The following NEK11 variants were observed in gnomAD, a reference collection of about 807,000 sequenced individuals.
The protein encoded by NEK11 is NIMA related kinase 11, also known as serine/threonine-protein kinase Nek11.
Under a neutral mutation model 80.7 loss-of-function variants are expected in NEK11, and 72 were observed. The ratio of observed to expected loss-of-function variants is 0.89; its 90% confidence interval spans 0.74 to 1.08. NEK11 has a LOEUF of 1.08. Ranked by LOEUF, NEK11 falls within the 50% of genes least tolerant of loss-of-function variation. The probability of loss-of-function intolerance (pLI) is 0.00; values close to 1 mark genes in which losing one functional copy is unlikely to be tolerated. For synonymous variants in NEK11, 251 were observed against 260.7 expected, an observed-to-expected ratio of 0.96 and a Z score of 0.36; for missense variants, 764 against 763.6, an observed-to-expected ratio of 1.00 and a Z score of -0.01.
At chr3:131,294,172 T>C (rs2096570941) in intron 17 of NEK11, among the ~76,000 whole-genome samples, 1 of 152,098 alleles carries the variant, frequency 6.6e-6, no homozygotes, top group Non-Finnish European at 1.5e-5. Context: ...GGATTTTATA[T>C]CTTTCTTCCT....
At chr3:131,170,563 G>T (rs898424729) in intron 13 of NEK11, among the ~76,000 whole-genome samples, 1 of 152,150 alleles carries the variant, frequency 6.6e-6, no homozygotes, top group Admixed American at 6.5e-5. Flanking sequence ...GCCCATGAAG[G>T]TTAAATGCTT....
chr3:131,033,583 A>G (rs1203091037), intron 3 of NEK11, among the ~76,000 whole-genome samples: 1 of 152,214 alleles, frequency 6.6e-6, no homozygotes, highest in African/African-American at 2.4e-5. Context: ...ATTTAATCAA[A>G]GAACTTGACA....
intron 17 of NEK11, among the ~76,000 whole-genome samples, chr3:131,296,730 G>A (rs1016850228): frequency 5.3e-5 from 8 of 151,654 alleles, no homozygotes; most frequent in African/African-American, 1.5e-4. Context: ...TTACATATGT[G>A]TACATGTGCC....
chr3:131,290,903 G>A (rs1289405175), intron 17 of NEK11, among the ~76,000 whole-genome samples: 1 of 152,098 alleles, frequency 6.6e-6, no homozygotes, highest in Non-Finnish European at 1.5e-5. Flanking sequence ...GCACCAAGAT[G>A]GTACATTTGT....
chr3:131,296,149 C>T (rs1408805684), intron 17 of NEK11, among the ~76,000 whole-genome samples: 1 of 152,096 alleles, frequency 6.6e-6, no homozygotes, highest in Non-Finnish European at 1.5e-5. Flanking sequence ...CCCAAGTCTG[C>T]TTTCAAACAA....
chr3:131,042,938 C>A (rs918719771), intron 3 of NEK11, among the ~76,000 whole-genome samples: 1 of 152,178 alleles, frequency 6.6e-6, no homozygotes, highest in Non-Finnish European at 1.5e-5. Flanking sequence ...CTTTGCTGTT[C>A]TGCAGCCTCT....
intron 17 of NEK11, among the ~76,000 whole-genome samples, chr3:131,274,293 AT>A (rs201937927): frequency 6.9e-6 from 1 of 145,394 alleles, no homozygotes; most frequent in Non-Finnish European, 1.5e-5. Context: ...TGAACTCATC[AT>A]TTTTTATGGC....
intron 3 of NEK11, among the ~76,000 whole-genome samples, chr3:131,059,844 G>C (rs572720727): frequency 4.7e-4 from 71 of 152,334 alleles, no homozygotes; most frequent in African/African-American, 1.6e-3. Flanking sequence ...TAAAAGCAAA[G>C]TTGATCCAGT....
chr3:131,338,978 T>G (rs1561625978), intron 17 of NEK11, among the ~76,000 whole-genome samples: 2 of 151,998 alleles, frequency 1.3e-5, no homozygotes, highest in Non-Finnish European at 2.9e-5. Context: ...AGAAATTTTG[T>G]TATATATATT....
intron 17 of NEK11, among the ~76,000 whole-genome samples, chr3:131,275,850 T>C (rs1394551518): frequency 1.3e-5 from 2 of 152,220 alleles, no homozygotes; most frequent in Non-Finnish European, 2.9e-5. Flanking sequence ...ATAGAGATTA[T>C]AATGTAGAGA....
At position 131,103,315 on chromosome 3, in the gene NEK11, G is replaced by A. The variant is rs138733024; in HGVS notation, c.337-6488G>A. 4.8e-3 allele frequency among the ~76,000 whole-genome samples: 732 copies of A among 152,296 alleles called. 10 individuals are homozygous for A. Among genetic ancestry groups the A allele is most frequent in the African/African-American group, 0.017 (705 of 41,558 alleles). On this transcript the variant is annotated intron_variant, in intron 4 of 17. Coordinates refer to ENST00000383366, the MANE Select transcript of NEK11 (RefSeq NM_024800.5). ...AGGTTGGCGTTCCTTTAATTGTGGT[G>A]TAAATTGAGTATAGTTAGTTGGCTT...
At chr3:131,072,868 A>C (rs1260554414) in intron 3 of NEK11, among the ~76,000 whole-genome samples, 1 of 152,226 alleles carries the variant, frequency 6.6e-6, no homozygotes, top group East Asian at 1.9e-4. Context: ...TTGTGAGGGC[A>C]CAAATGCACA....
At chr3:131,143,941 T>C (rs796171740) in intron 7 of NEK11, among the ~76,000 whole-genome samples, 15 of 152,254 alleles carry the variant, frequency 9.9e-5, no homozygotes, top group African/African-American at 3.4e-4. Flanking sequence ...GATGAATATA[T>C]CAGGATGCTC....
rs149796780 is a variant in NEK11 at position 131,030,865 on chromosome 3, A to G, written c.170+987A>G. Among the ~76,000 whole-genome samples, 742 of 152,334 alleles carry G rather than the reference A, an allele frequency of 4.9e-3. 11 individuals are homozygous for G. The highest frequency in any genetic ancestry group is 0.017 in the African/African-American group (697 of 41,572). Reference sequence around the variant, plus strand: ...GTTTTTTTAATTTGCTGCAGTGGAAAGTAAGTTGGAACTGAAGTTAGGGTA... The same window carrying G: ...GTTTTTTTAATTTGCTGCAGTGGAAGGTAAGTTGGAACTGAAGTTAGGGTA... On this transcript the variant is annotated intron_variant, in intron 3 of 17. Coordinates refer to ENST00000383366, the MANE Select transcript of NEK11 (RefSeq NM_024800.5).
In NEK11 at chr3:131,302,913, C is replaced by T. The variant is rs182027053; in HGVS notation, c.1718+29339C>T. On this transcript the variant is annotated intron_variant, in intron 17 of 17. Coordinates refer to ENST00000383366, the MANE Select transcript of NEK11 (RefSeq NM_024800.5). ...AGTCCTGAATATCTGTTTTCTGCCTCGGTGCTCTGTCTGATACTGTCAGTG... is the reference window on the plus strand; with the variant it reads ...AGTCCTGAATATCTGTTTTCTGCCTTGGTGCTCTGTCTGATACTGTCAGTG... 4.7e-3 allele frequency among the ~76,000 whole-genome samples: 710 copies of T among 152,188 alleles called. 3 individuals carry two copies. The highest frequency in any genetic ancestry group is 8.4e-3 in the Non-Finnish European group (568 of 68,010).
At chr3:131,093,649 A>T (rs932278751) in intron 4 of NEK11, among the ~76,000 whole-genome samples, 2 of 151,794 alleles carry the variant, frequency 1.3e-5, no homozygotes, top group East Asian at 3.9e-4. Flanking sequence ...ACTCCTGACC[A>T]CCCGCCTCTG....
chr3:131,162,587 A>G (rs2091762075), intron 11 of NEK11, 60 bp downstream of exon 11: 58 of 1,587,966 alleles, frequency 3.7e-5, no homozygotes, highest in Non-Finnish European at 4.8e-5. Context: ...CTCTCAGGGA[A>G]TTTACAGAGA....
At chr3:131,285,365 G>A (rs1237841079) in intron 17 of NEK11, among the ~76,000 whole-genome samples, 1 of 152,218 alleles carries the variant, frequency 6.6e-6, no homozygotes, top group Non-Finnish European at 1.5e-5. Flanking sequence ...AGTTGGGATG[G>A]CCTTGCAGAG....
intron 7 of NEK11, among the ~76,000 whole-genome samples, chr3:131,149,515 C>T (rs1171032253): frequency 6.6e-6 from 1 of 151,858 alleles, no homozygotes; most frequent in African/African-American, 2.4e-5. Context: ...GTCAAATGGT[C>T]ATTCTGCTTT....
Sources: gnomAD v4.1 joint callset for allele counts (sites outside exome capture counted in the v4.1 genomes callset) on GRCh38, gnomAD v4.1.1 for gene constraint, MANE v1.5 for transcripts, NCBI Gene and HGNC (gene_info 2026-07-23, HGNC 2026-07-21) for gene names.